Variants in GHDC observed in about 807,000 individuals in gnomAD.
The protein encoded by GHDC is GH3 domain containing, also known as GH3 domain-containing protein.
In GHDC, 39 loss-of-function variants were observed where a neutral mutation model predicts 51.5. The observed-to-expected ratio is 0.76, with a 90% CI of 0.59 to 0.99. GHDC has a LOEUF of 0.99. Ranked by LOEUF, GHDC falls within the 50% of genes least tolerant of loss-of-function variation. The pLI, the probability that GHDC is intolerant of heterozygous loss-of-function variation, is 0.00. For synonymous variants in GHDC, 282 were observed against 305.2 expected, an observed-to-expected ratio of 0.92 and a Z score of 0.79; for missense variants, 610 against 672.8, an observed-to-expected ratio of 0.91 and a Z score of 1.03.
At chr17:42,190,086 GC>G in intron 9 of GHDC, 98 bp downstream of exon 9, 1 of 1,463,702 alleles carries the variant, frequency 6.8e-7, no homozygotes, top group Non-Finnish European at 9.3e-7. Context: ...CTTCTCCTCC[GC>G]CACCCCTCTC....
intron 9 of GHDC, 28 bp from the exon 10 acceptor site, chr17:42,189,949 G>A (rs1296833631): frequency 1.3e-6 from 2 of 1,484,760 alleles, no homozygotes; most frequent in Non-Finnish European, 1.8e-6. Flanking sequence ...TGAGTGAGCT[G>A]GTGTGTGACT....
At position 42,189,498 on chromosome 17, in the gene GHDC, T is replaced by C. The variant is rs1166158447; in HGVS notation, c.*205A>G. The C allele has an allele frequency of 7.1e-6, 3 of 421,080 alleles. No individual in the cohort carries two copies. Among genetic ancestry groups the C allele is most frequent in the Non-Finnish European group, 1.3e-5 (3 of 239,752 alleles). 26.1% of individuals were successfully genotyped at this position (421,080 alleles called of 1,614,324 possible). A position where few individuals can be genotyped will look rare whatever the true frequency, so the allele number is the denominator to read the frequency against. ...GGGACATGGGGACACGGGCAGGCAC[T>C]GCTGGCATCTGCTAACCCCGGAGGC... On this transcript the variant is annotated 3_prime_UTR_variant, in exon 10 of 10. Transcript: ENST00000587427.
In GHDC at chr17:42,190,825, C is replaced by T; in HGVS notation, c.1154+7G>A. 1 of 1,613,580 alleles carries T rather than the reference C, an allele frequency of 6.2e-7. No individual in the cohort carries two copies. Among genetic ancestry groups the T allele is most frequent in the Non-Finnish European group, 8.5e-7 (1 of 1,179,876 alleles). ...GGATGGCCCTTCAGCTCCCCGGGGTCACCTACCTGCAGATGAACCTGACGA... is the reference window on the plus strand; with the variant it reads ...GGATGGCCCTTCAGCTCCCCGGGGTTACCTACCTGCAGATGAACCTGACGA... On this transcript the variant is annotated splice_region_variant and intron_variant, in intron 7 of 9. Coordinates refer to ENST00000587427, the MANE Select transcript of GHDC (RefSeq NM_032484.5).
In GHDC at chr17:42,192,909, C is replaced by T; in HGVS notation, c.384G>A (p.Leu128=). 1 of 1,613,972 alleles carries T rather than the reference C, an allele frequency of 6.2e-7. No individual in the cohort carries two copies. The highest frequency in any genetic ancestry group is 8.5e-7 in the Non-Finnish European group (1 of 1,179,976). ...GGCTCTGGCCATCCTAGATTACCTG[C>T]AGAGAGGCCTCCCCAAGGTCCTGGT... ...TSNQDLGEAS[L]QATLLGLAAL... Residue 128 remains leucine (L), a synonymous_variant, in exon 4 of 10, where the codon CTG becomes CTA. Coordinates refer to ENST00000587427, the MANE Select transcript of GHDC (RefSeq NM_032484.5).
chr17:42,193,429 C>G lies in GHDC; in HGVS notation c.153G>C (p.Gln51His). 6.4e-7 allele frequency: 1 copy of G among 1,561,828 alleles called. No individual in the cohort carries two copies. The highest frequency in any genetic ancestry group is 8.7e-7 in the Non-Finnish European group (1 of 1,153,192). ...GCGTGCTCTGCTCCAGCCTCCGCCG[C>G]TGCCAGGTGGCTGCCCAGACCAGGG... Reference protein sequence around the residue: ...WGALVWAATWQRRRLEQSTLH... With the variant: ...WGALVWAATWHRRRLEQSTLH... Residue 51 changes from glutamine to histidine, a missense_variant, in exon 3 of 10, where the codon CAG (glutamine) becomes CAC (histidine). Physicochemically the swap from Gln to His is conservative, Grantham distance 24. This residue lies in a region of GHDC where 198 missense variants were observed against 262.3 expected (regional missense o/e 0.75). Transcript: ENST00000587427.
rs2079957040 is a variant in GHDC, at chr17:42,190,219, C to A, written c.1340G>T (p.Gly447Val). ...ATTTTCCTCTGACAGATTCCTCAGC[C>A]CCCTCAGCGCCACAAACACCTCGTA... ...PHYEVFVALR[G>V]LRNLSEENRD... The change falls in exon 9 of 10, where the codon GGG becomes GTG. Residue 447 changes from glycine to valine, a missense_variant. By Grantham distance (109) the Gly-to-Val change is moderately radical (BLOSUM62 -3). Around this residue, in one of 2 missense-constraint regions of GHDC, gnomAD observed 412 missense variants for 410.4 expected, o/e 1.00. Coordinates refer to ENST00000587427, the MANE Select transcript of GHDC (RefSeq NM_032484.5). The A allele has an allele frequency of 6.2e-7, 1 of 1,614,036 alleles. No homozygotes were observed. Among genetic ancestry groups the A allele is most frequent in the South Asian group, 1.1e-5 (1 of 91,094 alleles).
At position 42,190,374 on chromosome 17, in the gene GHDC, G is replaced by A. The variant is rs748849165; in HGVS notation, c.1289-104C>T. 38 of 1,591,286 alleles carry A rather than the reference G, an allele frequency of 2.4e-5. 1 individual carries two copies. The highest frequency in any genetic ancestry group is 1.1e-4 in the East Asian group (5 of 43,998). On this transcript the variant is annotated intron_variant, in intron 8 of 9. Coordinates refer to ENST00000587427, the MANE Select transcript of GHDC (RefSeq NM_032484.5). ...TCTTCCCCACTCTGAGATTCATAGG[G>A]AAAAAAGAGTTTCTTGGTGGGGAGT...
intron 9 of GHDC, 120 bp downstream of exon 9, chr17:42,190,065 G>T: frequency 1.4e-6 from 2 of 1,392,972 alleles, no homozygotes; most frequent in Non-Finnish European, 2.0e-6. Context: ...CCCTCCCAGA[G>T]CCCCAGGGAG....
rs2079975902 is a variant in GHDC at position 42,192,367 on chromosome 17, G to GC, written c.762dup (p.Leu255AlafsTer96). On this transcript the variant is annotated frameshift_variant, in exon 5 of 10. Transcript: ENST00000587427. LOFTEE classifies it high-confidence loss of function. ...ACCACCACCTGCAGCTTTGGCCAGAGCCGAAGGGCCAGTCCCCGTGGCCCC... is the reference window on the plus strand; with the variant it reads ...ACCACCACCTGCAGCTTTGGCCAGAGCCCGAAGGGCCAGTCCCCGTGGCCCC... 1 of 1,612,838 alleles carries GC rather than the reference G, an allele frequency of 6.2e-7. No individual in the cohort carries two copies. The highest frequency in any genetic ancestry group is 1.1e-5 in the South Asian group (1 of 91,076).
intron 6 of GHDC, 32 bp from the exon 7 acceptor site, chr17:42,190,935 C>T (rs769478866): frequency 6.3e-7 from 1 of 1,592,252 alleles, no homozygotes; most frequent in African/African-American, 1.4e-5. Flanking sequence ...TGAGGTCGGG[C>T]CCAAGGTCTT....
chr17:42,191,160 GA>G lies in GHDC; in HGVS notation c.939del (p.Leu314CysfsTer40). On this transcript the variant is annotated frameshift_variant, in exon 6 of 10. Coordinates refer to ENST00000587427, the MANE Select transcript of GHDC (RefSeq NM_032484.5). LOFTEE classifies it high-confidence loss of function. ...TCGATAAAGGGGGCCCCAGGGGGCA[GA>G]AGGTAGAGCCCATGGGGCTGCTCTG... ...LQPEQPHGLYLLPPGAPFIEL... is the reference protein window; with the variant it reads ...LQPEQPHGLYXLPPGAPFIEL... The G allele has an allele frequency of 6.4e-7, 1 of 1,554,284 alleles. No homozygotes were observed. The highest frequency in any genetic ancestry group is 2.2e-5 in the Admixed American group (1 of 46,114).
Position 42,193,450 on chromosome 17 carries a change from C to T in GHDC, c.132G>A (p.Leu44=). 6.4e-7 allele frequency: 1 copy of T among 1,554,572 alleles called. No homozygotes were observed. Among genetic ancestry groups the T allele is most frequent in the Non-Finnish European group, 8.7e-7 (1 of 1,149,468 alleles). ...GCCGCTGCCAGGTGGCTGCCCAGAC[C>T]AGGGCCCCCCATGCCACTCGGTGCT... The part of the protein sequence containing the change: ...GLQHRVAWGA[L]VWAATWQRRR... Residue 44 remains leucine, a synonymous_variant, in exon 3 of 10, where the codon CTG becomes CTA. Coordinates refer to ENST00000587427, the MANE Select transcript of GHDC (RefSeq NM_032484.5).
At position 42,189,699 on chromosome 17, in the gene GHDC, T is replaced by G; in HGVS notation, c.*4A>C. 7.0e-7 allele frequency: 1 copy of G among 1,437,744 alleles called. No individual in the cohort carries two copies. The highest frequency in any genetic ancestry group is 9.2e-7 in the Non-Finnish European group (1 of 1,092,148). The allele number at this position is 1,437,744 out of a possible 1,614,324, so 89.1% of individuals were successfully genotyped here. On this transcript the variant is annotated 3_prime_UTR_variant, in exon 10 of 10. Transcript: ENST00000587427. ...GGGAGCTGGGCGGTGGGGCAGGACT[T>G]GACTCAGGACACCACCCTCTCCTGC... is the stretch of plus-strand genomic sequence containing the variant.
intron 9 of GHDC, 22 bp downstream of exon 9, chr17:42,190,163 A>T (rs2079956620): frequency 6.2e-7 from 1 of 1,607,128 alleles, no homozygotes; most frequent in Non-Finnish European, 8.5e-7. Flanking sequence ...CTACAGTCAG[A>T]CCCTGTCCTC....
rs201683679 is a variant in GHDC at position 42,192,423 on chromosome 17, C to A, written c.707G>T (p.Arg236Leu). 1 of 1,613,132 alleles carries A rather than the reference C, an allele frequency of 6.2e-7. No homozygotes were observed. Among genetic ancestry groups the A allele is most frequent in the Non-Finnish European group, 8.5e-7 (1 of 1,180,004 alleles). ...AGNPGAPLRE[R>L]AAELREALEQ... is the part of the protein sequence containing the mutation. ...TAGGGCCTCCCGGAGCTCAGCTGCC[C>A]GTTCACGGAGAGGCGCTCCAGGGTT... Residue 236 changes from arginine (R) to leucine (L), a missense_variant, in exon 5 of 10, where the codon CGG (arginine) becomes CTG (leucine). Physicochemically the swap from Arg to Leu is moderately radical, Grantham distance 102. Around this residue, in one of 2 missense-constraint regions of GHDC, gnomAD observed 412 missense variants for 410.4 expected, o/e 1.00. Coordinates refer to ENST00000587427, the MANE Select transcript of GHDC (RefSeq NM_032484.5).
Position 42,191,229 on chromosome 17 carries a change from C to T in GHDC, c.890-19G>A. ...AGCACCCCTGTGAAAGCAAAGCAGCCTCCTCAGCGTCTGCTGGTGCCATCG... is the reference window on the plus strand; with the variant it reads ...AGCACCCCTGTGAAAGCAAAGCAGCTTCCTCAGCGTCTGCTGGTGCCATCG... On this transcript the variant is annotated intron_variant, in intron 5 of 9. Transcript: ENST00000587427. 4 of 1,486,288 alleles carry T rather than the reference C, an allele frequency of 2.7e-6. No homozygotes were observed. In the African/African-American group the frequency reaches 5.8e-5, roughly 22 times the overall value. The allele number at this position is 1,486,288 out of a possible 1,614,324, so 92.1% of individuals were successfully genotyped here.
chr17:42,189,981 G>T, intron 9 of GHDC, 60 bp from the exon 10 acceptor site: 1 of 1,402,214 alleles, frequency 7.1e-7, no homozygotes, highest in Non-Finnish European at 9.6e-7. Flanking sequence ...CACGAGGCGT[G>T]TGTGGCTGTG....
chr17:42,189,772 G>A lies in GHDC; in HGVS notation c.1524C>T (p.Pro508=). The A allele has an allele frequency of 1.9e-6, 3 of 1,540,806 alleles. No individual in the cohort carries two copies. Among genetic ancestry groups the A allele is most frequent in the Non-Finnish European group, 2.6e-6 (3 of 1,143,664 alleles). ...GCCGAAGGACCCGGGGCATCGCAGG[G>A]GGGAAGGGGGAGGAGGGGCAGGCAG... ...ALAACPSSPF[P]PAMPRVLRHR... is the part of the protein sequence containing the mutation. The change falls in exon 10 of 10, where the codon CCC becomes CCT. Residue 508 remains proline, a synonymous_variant. Transcript: ENST00000587427.
chr17:42,190,941 G>A, intron 6 of GHDC, 38 bp from the exon 7 acceptor site: 1 of 1,589,868 alleles, frequency 6.3e-7, no homozygotes, highest in Non-Finnish European at 8.5e-7. Context: ...CGGGCCCAAG[G>A]TCTTCTGAGC....
Sources: gnomAD v4.1 joint callset for allele counts on GRCh38, gnomAD v4.1.1 for gene constraint, gnomAD v4.1.1 regional missense constraint, MANE v1.5 for transcripts, NCBI Gene and HGNC (gene_info 2026-07-23, HGNC 2026-07-21) for gene names.